SLIT2: variants seen among roughly 807,000 people sequenced by gnomAD.
The protein encoded by SLIT2 is slit guidance ligand 2, also known as slit homolog 2 protein.
SLIT2 carries 41 observed loss-of-function variants against 185.7 expected under a neutral mutation model. The ratio of observed to expected loss-of-function variants is 0.22; its 90% CI spans 0.17 to 0.29. The LOEUF (loss-of-function observed/expected upper bound fraction) is 0.29. SLIT2 is among the 10% of genes least tolerant of loss of function. The pLI is 1.00. For synonymous variants in SLIT2, 693 were observed against 680.2 expected (o/e 1.02, Z -0.29); for missense variants, 1,571 against 1,909.0 (o/e 0.82, Z 3.30).
At chr4:20,329,808 A>G (rs1222281111) in intron 4 of SLIT2, among the ~76,000 whole-genome samples, 3 of 151,974 alleles carry the variant, frequency 2.0e-5, no homozygotes, top group African/African-American at 4.8e-5. Flanking sequence ...GAGGAATAAT[A>G]TGCTAGCATC....
chr4:20,562,775 C>A (rs572850269), intron 26 of SLIT2, among the ~76,000 whole-genome samples: 1 of 151,734 alleles, frequency 6.6e-6, no homozygotes, highest in African/African-American at 2.4e-5. Context: ...TAAAAACCTT[C>A]TTTTAGTTAA....
chr4:20,463,450 T>G (rs1310645030), intron 4 of SLIT2, among the ~76,000 whole-genome samples: 5 of 20,548 alleles, frequency 2.4e-4, no homozygotes, highest in African/African-American at 5.4e-4. Context: ...CAAACTGTGA[T>G]ATATATATAT....
intron 4 of SLIT2, among the ~76,000 whole-genome samples, chr4:20,428,856 C>G (rs541333119): frequency 6.6e-6 from 1 of 152,318 alleles, no homozygotes; most frequent in Admixed American, 6.5e-5. Context: ...TGGCATCTGT[C>G]CTGCTCCCCA....
intron 29 of SLIT2, among the ~76,000 whole-genome samples, chr4:20,586,395 T>G (rs938548632): frequency 6.6e-6 from 1 of 152,190 alleles, no homozygotes; most frequent in Admixed American, 6.5e-5. Flanking sequence ...AAAAGCATGA[T>G]TCCTCCTTTT....
At chr4:20,293,269 C>T (rs971510780) in intron 4 of SLIT2, among the ~76,000 whole-genome samples, 2 of 152,144 alleles carry the variant, frequency 1.3e-5, no homozygotes, top group African/African-American at 2.4e-5. Context: ...AGATCATGCC[C>T]TGGGAAGATT....
intron 5 of SLIT2, among the ~76,000 whole-genome samples, chr4:20,472,546 C>A (rs1172312268): frequency 0.052 from 226 of 4,340 alleles, 38 homozygotes; most frequent in East Asian, 0.23. Context: ...ATATCTATAT[C>A]TATATATAGA....
At chr4:20,533,009 C>T (rs1019792331) in intron 17 of SLIT2, among the ~76,000 whole-genome samples, 9 of 152,138 alleles carry the variant, frequency 5.9e-5, no homozygotes, top group Non-Finnish European at 1.2e-4. Flanking sequence ...CAGTTGACCT[C>T]AACTAGATAC....
Position 20,539,598 on chromosome 4 carries a change from A to G in SLIT2, c.1976+14A>G, listed in dbSNP as rs200499229. ...TTTATCTACTCTGTAAGTATGAAAA[A>G]TAGCCCTTATGTATTACTTGAGCCA... On this transcript the variant is annotated intron_variant, in intron 19 of 36. Coordinates refer to ENST00000504154, the MANE Select transcript of SLIT2 (RefSeq NM_004787.4). 1.0e-4 allele frequency: 165 copies of G among 1,573,254 alleles called. No individual in the cohort carries two copies. The highest frequency in any genetic ancestry group is 1.1e-4 in the Non-Finnish European group (122 of 1,148,548).
chr4:20,453,973 T>G (rs1207173484), intron 4 of SLIT2, among the ~76,000 whole-genome samples: 2 of 152,234 alleles, frequency 1.3e-5, no homozygotes, highest in African/African-American at 4.8e-5. Flanking sequence ...AAACCCACAC[T>G]GTACTCTCTT....
intron 4 of SLIT2, among the ~76,000 whole-genome samples, chr4:20,401,910 G>A (rs73108630): frequency 0.015 from 2,328 of 151,804 alleles, 43 homozygotes; most frequent in African/African-American, 0.037. Context: ...GCGTTTTATG[G>A]CAGTTTAGAG....
chr4:20,581,134 G>A (rs1316636927), intron 29 of SLIT2, among the ~76,000 whole-genome samples: 1 of 152,126 alleles, frequency 6.6e-6, no homozygotes, highest in African/African-American at 2.4e-5. Flanking sequence ...CTGGAGGCTA[G>A]AGGTCTGAAA....
At chr4:20,509,148 C>T (rs1262549211) in intron 9 of SLIT2, among the ~76,000 whole-genome samples, 3 of 150,964 alleles carry the variant, frequency 2.0e-5, no homozygotes, top group African/African-American at 4.9e-5. Flanking sequence ...AATATATACA[C>T]ATATGTATAC....
chr4:20,370,841 G>T (rs919684725), intron 4 of SLIT2, among the ~76,000 whole-genome samples: 1 of 151,950 alleles, frequency 6.6e-6, no homozygotes, highest in Non-Finnish European at 1.5e-5. Context: ...AAATCCCATG[G>T]GTAGTTTTTA....
intron 4 of SLIT2, among the ~76,000 whole-genome samples, chr4:20,305,760 C>A (rs1275619161): frequency 6.6e-6 from 1 of 151,754 alleles, no homozygotes; most frequent in Non-Finnish European, 1.5e-5. Context: ...GTAATCCCAG[C>A]TACTTGGGAG....
intron 9 of SLIT2, among the ~76,000 whole-genome samples, chr4:20,500,862 A>G (rs750468102): frequency 4.6e-5 from 7 of 152,200 alleles, no homozygotes; most frequent in Non-Finnish European, 8.8e-5. Context: ...GAAACTACAT[A>G]TGTATCTCCT....
intron 34 of SLIT2, chr4:20,615,654 C>G (rs1223438402): frequency 6.6e-6 from 1 of 152,242 alleles, no homozygotes; most frequent in Non-Finnish European, 1.5e-5. Flanking sequence ...TTTCGTACAC[C>G]TAGCTGTCTG....
At chr4:20,579,275 G>A (rs1726331681) in intron 29 of SLIT2, among the ~76,000 whole-genome samples, 1 of 151,338 alleles carries the variant, frequency 6.6e-6, no homozygotes, top group South Asian at 2.1e-4. Context: ...CTTTAGCCTG[G>A]GTGACAGAAC....
At chr4:20,385,622 C>T (rs1724875613) in intron 4 of SLIT2, among the ~76,000 whole-genome samples, 1 of 152,146 alleles carries the variant, frequency 6.6e-6, no homozygotes, top group Non-Finnish European at 1.5e-5. Context: ...AGTTGCATTT[C>T]TCTTCAGGAT....
At chr4:20,512,832 G>A (rs188193042) in intron 11 of SLIT2, among the ~76,000 whole-genome samples, 1 of 152,242 alleles carries the variant, frequency 6.6e-6, no homozygotes, top group East Asian at 1.9e-4. Flanking sequence ...TGCTTGCAGA[G>A]TTTGATATTA....
Sources: gnomAD v4.1 joint callset for allele counts (sites outside exome capture counted in the v4.1 genomes callset) on GRCh38, gnomAD v4.1.1 for gene constraint, MANE v1.5 for transcripts, NCBI Gene and HGNC (gene_info 2026-07-23, HGNC 2026-07-21) for gene names.